Variants in FBXW11 observed in about 807,000 individuals in gnomAD.
The protein encoded by FBXW11 is F-box and WD repeat domain containing 11.
In FBXW11, 19 loss-of-function variants were observed where a neutral mutation model predicts 77.6. The ratio of observed to expected loss-of-function variants is 0.24; its 90% CI spans 0.17 to 0.36. The LOEUF (loss-of-function observed/expected upper bound fraction) is 0.36. Among genes scored for constraint, FBXW11 ranks in the 10% least tolerant of loss-of-function variants. FBXW11 has a pLI of 1.00. For missense variants in FBXW11, 334 were observed against 704.2 expected, an observed-to-expected ratio of 0.47 and a Z score of 5.95; for synonymous variants, 235 against 249.4, an observed-to-expected ratio of 0.94 and a Z score of 0.54.
At position 171,878,064 on chromosome 5, in the gene FBXW11, A is replaced by G; in HGVS notation, c.918T>C (p.Cys306=). The part of the protein sequence containing the change: ...VLTGHTGSVL[C]LQYDERVIVT... ...CAATGACACGCTCATCATACTGCAG[A>G]CAGAGGACAGAGCCTGTGTGTCCTG... Residue 306 remains cysteine (C), a synonymous_variant, in exon 8 of 14, where the codon TGT becomes TGC. Coordinates refer to ENST00000517395, the MANE Select transcript of FBXW11 (RefSeq NM_001378974.1). 1 of 1,614,162 alleles carries G rather than the reference A, an allele frequency of 6.2e-7. No homozygotes were observed. Among genetic ancestry groups the G allele is most frequent in the Non-Finnish European group, 8.5e-7 (1 of 1,179,984 alleles).
chr5:171,907,074 C>T (rs1326935434), intron 4 of FBXW11, among the ~76,000 whole-genome samples: 1 of 152,156 alleles, frequency 6.6e-6, no homozygotes, highest in Non-Finnish European at 1.5e-5. Context: ...TTCCCATTAA[C>T]AACAGTTCTT....
intron 1 of FBXW11, among the ~76,000 whole-genome samples, chr5:171,978,749 TC>T (rs769605776): frequency 2.6e-5 from 4 of 152,138 alleles, no homozygotes; most frequent in Non-Finnish European, 4.4e-5. Flanking sequence ...AATCAGAAGT[TC>T]CTCACCCTAG....
At chr5:171,977,234 T>G (rs1764880622) in intron 1 of FBXW11, among the ~76,000 whole-genome samples, 1 of 138,880 alleles carries the variant, frequency 7.2e-6, no homozygotes, top group Non-Finnish European at 1.5e-5. Context: ...GAACCCTGCC[T>G]AGAAAGGTGA....
chr5:171,905,805 A>G (rs1391235208), intron 4 of FBXW11, among the ~76,000 whole-genome samples: 1 of 152,150 alleles, frequency 6.6e-6, no homozygotes, highest in Non-Finnish European at 1.5e-5. Context: ...TTGAGGTGTT[A>G]AAACTAAGCA....
intron 10 of FBXW11, among the ~76,000 whole-genome samples, chr5:171,872,231 T>A (rs559062216): frequency 2.2e-4 from 34 of 152,360 alleles, no homozygotes; most frequent in South Asian, 1.7e-3. Flanking sequence ...AAACTTTTTT[T>A]AATAATCTTG....
chr5:171,961,634 C>T (rs1367685698), intron 1 of FBXW11, among the ~76,000 whole-genome samples: 2 of 148,574 alleles, frequency 1.3e-5, no homozygotes, highest in African/African-American at 5.2e-5. Context: ...ACAGCTAGGA[C>T]CACAACAGTA....
chr5:171,952,574 TCC>T (rs1763402866), intron 2 of FBXW11, among the ~76,000 whole-genome samples: 1 of 145,184 alleles, frequency 6.9e-6, no homozygotes, highest in South Asian at 2.3e-4. Context: ...TGCCTCAGCC[TCC>T]CAAGTAGCTA....
At chr5:171,899,187 T>C (rs996798761) in intron 5 of FBXW11, 93 bp from the exon 6 acceptor site, 3 of 798,528 alleles carry the variant, frequency 3.8e-6, no homozygotes, top group Non-Finnish European at 5.9e-6. Context: ...ATCTTTCATG[T>C]CTTTTAATTT....
intron 2 of FBXW11, among the ~76,000 whole-genome samples, chr5:171,926,650 ACGCTGC>A (rs368636034): frequency 1.0e-3 from 155 of 152,304 alleles, no homozygotes; most frequent in African/African-American, 3.6e-3. Context: ...AGCCAAGCAG[ACGCTGC>A]CATGCTTCCT....
At chr5:171,955,646 A>G (rs990639841) in intron 2 of FBXW11, among the ~76,000 whole-genome samples, 4 of 152,180 alleles carry the variant, frequency 2.6e-5, no homozygotes, top group Non-Finnish European at 5.9e-5. Context: ...CATGTGGGAC[A>G]AAACAGAGTA....
At chr5:171,924,877 A>T (rs1344927256) in intron 2 of FBXW11, among the ~76,000 whole-genome samples, 3 of 150,700 alleles carry the variant, frequency 2.0e-5, no homozygotes, top group Admixed American at 6.7e-5. Context: ...ATGCTGTAAC[A>T]CCCTCTTTGG....
intron 7 of FBXW11, 24 bp from the exon 8 acceptor site, chr5:171,878,153 A>C: frequency 6.7e-7 from 1 of 1,490,720 alleles, no homozygotes; most frequent in South Asian, 1.1e-5. Context: ...ATTAGCCACA[A>C]ACGATGATTA....
Position 171,878,603 on chromosome 5 carries a change from A to AGTGTGTGT in FBXW11, c.853-482_853-475dup, listed in dbSNP as rs34099380. 1.9e-3 allele frequency among the ~76,000 whole-genome samples: 244 copies of AGTGTGTGT among 128,576 alleles called. 1 individual carries two copies. The highest frequency in any genetic ancestry group is 9.2e-3 in the East Asian group (39 of 4,240). The allele number at this position is 128,576 out of a possible 152,430, so 84.4% of individuals were successfully genotyped here. A position where few individuals can be genotyped will look rare whatever the true frequency, so the allele number is the denominator to read the frequency against. ...GTGTGTGTGTGTGTAAGAGAGAGAG[A>AGTGTGTGT]GTGTGTGTGTGTGTGTGTGTGTGTG... On this transcript the variant is annotated intron_variant, in intron 7 of 13. Coordinates refer to ENST00000517395, the MANE Select transcript of FBXW11 (RefSeq NM_001378974.1).
At chr5:171,874,501 A>G (rs1310910526) in intron 9 of FBXW11, among the ~76,000 whole-genome samples, 1 of 152,164 alleles carries the variant, frequency 6.6e-6, no homozygotes. Context: ...GTTGCCGCAT[A>G]TAAATCCTAG....
At chr5:171,900,240 C>G in intron 4 of FBXW11, 140 bp from the exon 5 acceptor site, 1 of 659,366 alleles carries the variant, frequency 1.5e-6, no homozygotes, top group Admixed American at 3.1e-5. Flanking sequence ...TACAGATACT[C>G]AAATCCATGA....
chr5:171,885,152 G>A (rs1194384932), intron 7 of FBXW11, among the ~76,000 whole-genome samples: 1 of 152,172 alleles, frequency 6.6e-6, no homozygotes, highest in East Asian at 1.9e-4. Context: ...CTCTGGCTAA[G>A]CAGTTTCTAC....
intron 3 of FBXW11, among the ~76,000 whole-genome samples, chr5:171,911,917 G>A (rs989160489): frequency 2.0e-5 from 3 of 152,164 alleles, no homozygotes; most frequent in African/African-American, 7.2e-5. Flanking sequence ...CATTTGTCAA[G>A]CTATCTATTG....
At chr5:171,982,950 C>A (rs1765229080) in intron 1 of FBXW11, among the ~76,000 whole-genome samples, 1 of 152,100 alleles carries the variant, frequency 6.6e-6, no homozygotes, top group African/African-American at 2.4e-5. Context: ...TCCTGTAATC[C>A]CACCACTTTG....
chr5:172,006,208 G>C (rs1239544477), intron 1 of FBXW11, among the ~76,000 whole-genome samples: 5 of 152,242 alleles, frequency 3.3e-5, no homozygotes, highest in Non-Finnish European at 5.9e-5. Context: ...CGAGAGCTGG[G>C]ACCGGAGACG....
Sources: allele counts gnomAD v4.1 joint callset (sites outside exome capture counted in the v4.1 genomes callset), GRCh38; gene constraint gnomAD v4.1.1; transcripts MANE v1.5; gene names NCBI Gene and HGNC (gene_info 2026-07-23, HGNC 2026-07-21).